Variants in DAB1 observed in about 807,000 individuals in gnomAD.
DAB1 encodes the protein DAB adaptor protein 1, also known as disabled homolog 1.
In DAB1, 15 loss-of-function variants were observed where a neutral mutation model predicts 64.6. The ratio of observed to expected loss-of-function variants is 0.23; its 90% confidence interval spans 0.16 to 0.36. DAB1 has a LOEUF of 0.36. Among genes scored for constraint, DAB1 ranks in the 10% least tolerant of loss-of-function variants. DAB1 has a pLI of 1.00. For missense variants in DAB1, 596 were observed against 706.7 expected (o/e 0.84, Z 1.78); for synonymous variants, 235 against 251.9 (o/e 0.93, Z 0.64).
chr1:57,757,198 ATTTTTT>A (rs375166170), intron 6 of DAB1, among the ~76,000 whole-genome samples: 5,549 of 90,056 alleles, frequency 0.062, 459 homozygotes, highest in African/African-American at 0.16. Flanking sequence ...CAGGGGCAGA[ATTTTTT>A]TTTTTTTTTT....
At chr1:58,461,211 A>G (rs1478533271) in intron 3 of DAB1, among the ~76,000 whole-genome samples, 1 of 152,188 alleles carries the variant, frequency 6.6e-6, no homozygotes, top group East Asian at 1.9e-4. Context: ...CCACTTATGT[A>G]TGTTTTAGAA....
intron 5 of DAB1, among the ~76,000 whole-genome samples, chr1:58,121,011 T>C (rs956893427): frequency 6.6e-6 from 1 of 152,122 alleles, no homozygotes; most frequent in African/African-American, 2.4e-5. Context: ...TTAGGGACTT[T>C]GAAAAACATT....
At chr1:57,598,860 G>A (rs1282325669) in intron 7 of DAB1, among the ~76,000 whole-genome samples, 1 of 152,152 alleles carries the variant, frequency 6.6e-6, no homozygotes, top group African/African-American at 2.4e-5. Context: ...GAGCTGATAT[G>A]ATCGAAGGTC....
intron 1 of DAB1, among the ~76,000 whole-genome samples, chr1:57,379,887 G>A (rs1254988166): frequency 3.3e-5 from 5 of 152,184 alleles, no homozygotes; most frequent in Admixed American, 2.0e-4. Flanking sequence ...ACGACTTTGG[G>A]TAAGTTATTT....
At chr1:58,027,555 A>G (rs902672201) in intron 5 of DAB1, among the ~76,000 whole-genome samples, 1 of 152,162 alleles carries the variant, frequency 6.6e-6, no homozygotes, top group Non-Finnish European at 1.5e-5. Context: ...TTGCTAGTCT[A>G]TGAAATTCTC....
At chr1:58,409,461 A>C (rs1644646672) in intron 3 of DAB1, among the ~76,000 whole-genome samples, 1 of 152,230 alleles carries the variant, frequency 6.6e-6, no homozygotes, top group African/African-American at 2.4e-5. Flanking sequence ...AACACTAGCC[A>C]AGCAGCATCG....
chr1:57,064,619 T>G (rs1205097554), intron 8 of DAB1, among the ~76,000 whole-genome samples: 3 of 152,134 alleles, frequency 2.0e-5, no homozygotes, highest in Admixed American at 1.3e-4. Context: ...ATGAGTGCAG[T>G]CTGTGAATGG....
At chr1:57,304,730 A>G (rs75130828) in intron 1 of DAB1, among the ~76,000 whole-genome samples, 9,184 of 152,246 alleles carry the variant, frequency 0.06, 282 homozygotes, top group Non-Finnish European at 0.074. Flanking sequence ...CTTCTTTGGA[A>G]TGGAAAGAAA....
At chr1:58,075,302 G>A (rs932790369) in intron 5 of DAB1, among the ~76,000 whole-genome samples, 2 of 152,176 alleles carry the variant, frequency 1.3e-5, no homozygotes, top group Admixed American at 6.5e-5. Context: ...TTTACACATG[G>A]TGAGATTGTA....
chr1:57,754,710 A>AAAAC (rs560220976), intron 6 of DAB1, among the ~76,000 whole-genome samples: 1 of 152,038 alleles, frequency 6.6e-6, no homozygotes, highest in Non-Finnish European at 1.5e-5. Flanking sequence ...ACAAACAAAC[A>AAAAC]AAACAAACAA....
chr1:58,181,365 A>C (rs934758299), intron 4 of DAB1, among the ~76,000 whole-genome samples: 1 of 152,128 alleles, frequency 6.6e-6, no homozygotes, highest in Non-Finnish European at 1.5e-5. Context: ...GATACAGCAT[A>C]TAGTAGGATC....
intron 7 of DAB1, among the ~76,000 whole-genome samples, chr1:57,490,873 A>C (rs1485747448): frequency 6.6e-6 from 1 of 152,228 alleles, no homozygotes; most frequent in Non-Finnish European, 1.5e-5. Flanking sequence ...TTGGAGTAAT[A>C]ACTATAATAT....
intron 5 of DAB1, among the ~76,000 whole-genome samples, chr1:57,896,357 CTATTAT>C (rs1443434985): frequency 6.6e-6 from 1 of 151,492 alleles, no homozygotes; most frequent in Non-Finnish European, 1.5e-5. Flanking sequence ...GCTACTATTA[CTATTAT>C]TATATGCTTG....
At chr1:57,331,447 G>T (rs187092712) in intron 1 of DAB1, among the ~76,000 whole-genome samples, 1 of 152,324 alleles carries the variant, frequency 6.6e-6, no homozygotes, top group Admixed American at 6.5e-5. Context: ...ATGGTTAAGA[G>T]TATGACTTCT....
At chr1:57,244,245 T>G (rs1668704216) in intron 2 of DAB1, among the ~76,000 whole-genome samples, 1 of 152,238 alleles carries the variant, frequency 6.6e-6, no homozygotes. Flanking sequence ...AACAGTGAGC[T>G]TGCAAAAGGC....
At chr1:57,252,541 T>A (rs993953351) in intron 2 of DAB1, among the ~76,000 whole-genome samples, 1 of 152,238 alleles carries the variant, frequency 6.6e-6, no homozygotes, top group Non-Finnish European at 1.5e-5. Flanking sequence ...GGTTTGTTTA[T>A]GTACCCAACA....
chr1:57,164,756 T>C (rs192792745), intron 2 of DAB1, among the ~76,000 whole-genome samples: 2 of 152,256 alleles, frequency 1.3e-5, no homozygotes, highest in East Asian at 3.9e-4. Context: ...TCTTGCTGAT[T>C]CCAAATTCCT....
intron 11 of DAB1, among the ~76,000 whole-genome samples, chr1:57,023,325 A>G (rs1289618590): frequency 6.6e-6 from 1 of 152,224 alleles, no homozygotes; most frequent in Non-Finnish European, 1.5e-5. Flanking sequence ...TGGGTGAAAG[A>G]CATCAGTGAA....
chr1:57,731,935 T>C (rs1423820159), intron 6 of DAB1, among the ~76,000 whole-genome samples: 2 of 152,212 alleles, frequency 1.3e-5, no homozygotes, highest in African/African-American at 4.8e-5. Flanking sequence ...TTCTTCATAA[T>C]AATATGCATC....
Sources: allele counts gnomAD v4.1 joint callset (sites outside exome capture counted in the v4.1 genomes callset), GRCh38; gene constraint gnomAD v4.1.1; transcripts MANE v1.5; gene names NCBI Gene and HGNC (gene_info 2026-07-23, HGNC 2026-07-21).